ARHGAP32: variants seen among roughly 807,000 people sequenced by gnomAD.
ARHGAP32 encodes the protein Rho GTPase activating protein 32, also known as rho GTPase-activating protein 32.
In ARHGAP32, 51 loss-of-function variants were observed where a neutral mutation model predicts 186.5. The observed-to-expected ratio is 0.27, with a 90% CI of 0.22 to 0.35. The LOEUF is 0.35. Ranked by LOEUF, ARHGAP32 falls within the 10% of genes least tolerant of loss-of-function variation. The pLI, the probability that ARHGAP32 is intolerant of heterozygous loss-of-function variation, is 1.00. For missense variants in ARHGAP32, 2,186 were observed against 2,623.5 expected, an observed-to-expected ratio of 0.83 and a Z score of 3.64; for synonymous variants, 950 against 964.3, an observed-to-expected ratio of 0.99 and a Z score of 0.27.
chr11:129,169,539 G>T (rs940846814), intron 1 of ARHGAP32, among the ~76,000 whole-genome samples: 1 of 150,684 alleles, frequency 6.6e-6, no homozygotes, highest in Non-Finnish European at 1.5e-5. Flanking sequence ...GCTGAGGCAG[G>T]AGAATGGCGT....
intron 1 of ARHGAP32, among the ~76,000 whole-genome samples, chr11:129,273,652 T>C (rs2135731195): frequency 6.6e-6 from 1 of 152,306 alleles, no homozygotes; most frequent in South Asian, 2.1e-4. Flanking sequence ...AAGATGCTAC[T>C]CATCTTAAGA....
chr11:129,018,243 C>T (rs910576815), intron 11 of ARHGAP32, among the ~76,000 whole-genome samples: 1 of 151,970 alleles, frequency 6.6e-6, no homozygotes, highest in African/African-American at 2.4e-5. Flanking sequence ...GGCAAAGTTC[C>T]GTCTTAGCAA....
chr11:129,231,172 T>C (rs1208288819), intron 1 of ARHGAP32, among the ~76,000 whole-genome samples: 2 of 152,168 alleles, frequency 1.3e-5, no homozygotes, highest in Non-Finnish European at 2.9e-5. Context: ...TAATTTTTCA[T>C]TTTTACATAG....
At chr11:129,007,474 G>A (rs2134798397) in intron 11 of ARHGAP32, among the ~76,000 whole-genome samples, 1 of 152,150 alleles carries the variant, frequency 6.6e-6, no homozygotes, top group Non-Finnish European at 1.5e-5. Flanking sequence ...TGAAGGCAGT[G>A]GGTTCCCTTC....
chr11:129,145,058 C>G (rs149861801), intron 2 of ARHGAP32, among the ~76,000 whole-genome samples: 160 of 152,234 alleles, frequency 1.1e-3, no homozygotes, highest in African/African-American at 3.6e-3. Flanking sequence ...TTTCCTTCAT[C>G]TCAGTCCCTT....
chr11:129,048,615 G>A (rs11221550), intron 10 of ARHGAP32, among the ~76,000 whole-genome samples: 1 of 152,234 alleles, frequency 6.6e-6, no homozygotes, highest in East Asian at 1.9e-4. Flanking sequence ...AAGAAGGATA[G>A]TAAAGGCAAG....
chr11:129,132,233 C>A (rs1200981334), intron 2 of ARHGAP32, among the ~76,000 whole-genome samples: 1 of 152,176 alleles, frequency 6.6e-6, no homozygotes. Flanking sequence ...AATCCCAAGA[C>A]TTTGGGAGGC....
rs535459217 is a variant in ARHGAP32 at position 129,057,542 on chromosome 11, A to T, written c.963+4738T>A. 3.2e-3 allele frequency among the ~76,000 whole-genome samples: 491 copies of T among 152,140 alleles called. 1 individual carries two copies. The highest frequency in any genetic ancestry group is 0.011 in the African/African-American group (473 of 41,494). ...CTAACCCCCAGAAACTCAGGATGCG[A>T]CTACAGTCATTTCTCAACATAGCTG... On this transcript the variant is annotated intron_variant, in intron 10 of 22. Coordinates refer to ENST00000682385, the MANE Select transcript of ARHGAP32 (RefSeq NM_001378024.1).
chr11:129,185,332 C>T (rs1309645008), intron 1 of ARHGAP32, among the ~76,000 whole-genome samples: 1 of 152,122 alleles, frequency 6.6e-6, no homozygotes, highest in Non-Finnish European at 1.5e-5. Flanking sequence ...AACTATCATT[C>T]TCAGCAAACT....
intron 1 of ARHGAP32, among the ~76,000 whole-genome samples, chr11:129,184,101 C>G (rs530491051): frequency 1.3e-5 from 2 of 152,142 alleles, no homozygotes; most frequent in East Asian, 1.9e-4. Flanking sequence ...AGGCTATACC[C>G]CACCCCTTTC....
chr11:128,996,497 ATTTT>A (rs990442569), intron 12 of ARHGAP32, among the ~76,000 whole-genome samples: 20 of 152,254 alleles, frequency 1.3e-4, no homozygotes, highest in African/African-American at 4.8e-4. Context: ...GCTATTATTT[ATTTT>A]ATCTCAAAAC....
chr11:129,088,652 A>G (rs2135252800), intron 6 of ARHGAP32, among the ~76,000 whole-genome samples: 1 of 152,328 alleles, frequency 6.6e-6, no homozygotes, highest in East Asian at 1.9e-4. Context: ...CAATCAGAGT[A>G]TTTTTAAAGT....
intron 11 of ARHGAP32, among the ~76,000 whole-genome samples, chr11:129,026,587 A>T (rs2134932027): frequency 6.6e-6 from 1 of 152,136 alleles, no homozygotes; most frequent in African/African-American, 2.4e-5. Flanking sequence ...CAAGGTCAGG[A>T]GTTTGAGACC....
chr11:129,253,469 G>A (rs567956590), intron 1 of ARHGAP32, among the ~76,000 whole-genome samples: 3 of 152,154 alleles, frequency 2.0e-5, no homozygotes, highest in Non-Finnish European at 2.9e-5. Flanking sequence ...GAAAGAATAC[G>A]CTTTGCATGG....
intron 1 of ARHGAP32, among the ~76,000 whole-genome samples, chr11:129,221,611 G>T (rs1437739343): frequency 6.6e-6 from 1 of 150,668 alleles, no homozygotes; most frequent in African/African-American, 2.4e-5. Flanking sequence ...AAACTCCAGG[G>T]CTCTCTGCAC....
At chr11:129,229,444 CTAAT>C (rs986773738) in intron 1 of ARHGAP32, among the ~76,000 whole-genome samples, 9 of 152,058 alleles carry the variant, frequency 5.9e-5, no homozygotes, top group Middle Eastern at 3.4e-3. Flanking sequence ...ACTTTTTCCC[CTAAT>C]TAAACTTTTT....
At chr11:129,003,339 G>A (rs920506217) in intron 11 of ARHGAP32, among the ~76,000 whole-genome samples, 3 of 152,110 alleles carry the variant, frequency 2.0e-5, no homozygotes, top group African/African-American at 7.2e-5. Context: ...ATATTGGCCT[G>A]TAGTTTTCTT....
chr11:129,080,216 T>A (rs608821), intron 6 of ARHGAP32, among the ~76,000 whole-genome samples: 111,043 of 151,972 alleles, frequency 0.73, 41,040 homozygotes, highest in South Asian at 0.84. Flanking sequence ...TCAACAAAGC[T>A]ATAATGGACT....
At chr11:129,197,335 G>A (rs569664318) in intron 1 of ARHGAP32, among the ~76,000 whole-genome samples, 1 of 152,254 alleles carries the variant, frequency 6.6e-6, no homozygotes, top group South Asian at 2.1e-4. Context: ...GGTATGGACA[G>A]GATATCACAC....
Sources: allele counts gnomAD v4.1 joint callset (sites outside exome capture counted in the v4.1 genomes callset), GRCh38; gene constraint gnomAD v4.1.1; transcripts MANE v1.5; gene names NCBI Gene and HGNC (gene_info 2026-07-23, HGNC 2026-07-21).